Variants in CDH10 observed in about 807,000 individuals in gnomAD.
CDH10 encodes cadherin-10.
Under a neutral mutation model 73.1 loss-of-function variants are expected in CDH10, and 30 were observed. The ratio of observed to expected loss-of-function variants is 0.41; its 90% CI spans 0.31 to 0.56. The LOEUF is 0.56. Ranked by LOEUF, CDH10 falls within the 20% of genes least tolerant of loss-of-function variation. The probability of loss-of-function intolerance (pLI) is 0.27; values close to 1 mark genes in which losing one functional copy is unlikely to be tolerated. For synonymous variants in CDH10, 345 were observed against 348.2 expected, an observed-to-expected ratio of 0.99 and a Z score of 0.10; for missense variants, 815 against 973.7, an observed-to-expected ratio of 0.84 and a Z score of 2.17.
intron 1 of CDH10, among the ~76,000 whole-genome samples, chr5:24,642,936 T>C (rs1265454328): frequency 6.7e-6 from 1 of 149,836 alleles, no homozygotes; most frequent in Non-Finnish European, 1.5e-5. Flanking sequence ...AGTATCTGAT[T>C]TAATGAAAGC....
At chr5:24,555,330 C>T (rs1744726991) in intron 2 of CDH10, among the ~76,000 whole-genome samples, 1 of 152,086 alleles carries the variant, frequency 6.6e-6, no homozygotes. Context: ...TAAATGAACA[C>T]AAAGACTGCA....
chr5:24,617,523 C>T (rs1036820655), intron 1 of CDH10, among the ~76,000 whole-genome samples: 5 of 152,028 alleles, frequency 3.3e-5, no homozygotes, highest in Admixed American at 3.3e-4. Context: ...TCCTCATAGC[C>T]TATGCATGCC....
intron 2 of CDH10, among the ~76,000 whole-genome samples, chr5:24,559,677 G>A (rs552139716): frequency 6.6e-6 from 1 of 152,078 alleles, no homozygotes; most frequent in Admixed American, 6.6e-5. Flanking sequence ...TGAAACAGGT[G>A]ACAACAATAA....
intron 2 of CDH10, among the ~76,000 whole-genome samples, chr5:24,574,394 G>A (rs55786800): frequency 0.47 from 71,164 of 151,598 alleles, 17,693 homozygotes; most frequent in East Asian, 0.69. Context: ...TGATAAACTC[G>A]CATGACATTT....
Position 24,487,552 on chromosome 5 carries a change from A to T in CDH10, c.*111T>A. On this transcript the variant is annotated 3_prime_UTR_variant, in exon 12 of 12. Transcript: ENST00000264463. ...GAACAAATTAAGAAGTAAATGAGAA[A>T]AAAAATTGTGCTGACTGGCAGGAAA... 1 of 1,052,322 alleles carries T rather than the reference A, an allele frequency of 9.5e-7. No individual in the cohort carries two copies. The highest frequency in any genetic ancestry group is 1.4e-6 in the Non-Finnish European group (1 of 715,666). 65.2% of individuals were successfully genotyped at this position (1,052,322 alleles called of 1,614,324 possible).
intron 8 of CDH10, among the ~76,000 whole-genome samples, chr5:24,500,446 G>C (rs1742451917): frequency 6.6e-6 from 1 of 152,208 alleles, no homozygotes; most frequent in Non-Finnish European, 1.5e-5. Context: ...TCAGTCGTCA[G>C]GTTCTAACTT....
At chr5:24,578,077 C>T (rs1371080655) in intron 2 of CDH10, among the ~76,000 whole-genome samples, 1 of 152,150 alleles carries the variant, frequency 6.6e-6, no homozygotes, top group Non-Finnish European at 1.5e-5. Context: ...GGAGAGGACA[C>T]TTTCCATTGT....
At position 24,629,802 on chromosome 5, in the gene CDH10, G is replaced by A. The variant is rs2112192224; in HGVS notation, c.-124+14792C>T. Among the ~76,000 whole-genome samples, 2 of 152,260 alleles carry A rather than the reference G, an allele frequency of 1.3e-5. 1 individual carries two copies. Among genetic ancestry groups the A allele is most frequent in the South Asian group, 4.1e-4 (2 of 4,822 alleles). ...AGATTCCTGAGGCCTCCCCAGCCAT[G>A]CAGAACTATGAGTCAATTAAATCTC... On this transcript the variant is annotated intron_variant, in intron 1 of 11. Transcript: ENST00000264463.
rs566257874 is a variant in CDH10, at chr5:24,543,778, A to C, written c.232-6104T>G. 3.3e-4 allele frequency among the ~76,000 whole-genome samples: 50 copies of C among 152,298 alleles called. 1 individual carries two copies. The South Asian group carries it at 0.01, about 31-fold the overall frequency. On this transcript the variant is annotated intron_variant, in intron 2 of 11. Transcript: ENST00000264463. ...AAAGCATGTCAAAGCCAGCAAACAC[A>C]ATCTGGTCAGAAATAAATAAATAGT...
chr5:24,620,771 G>A (rs1169509791), intron 1 of CDH10, among the ~76,000 whole-genome samples: 4 of 151,650 alleles, frequency 2.6e-5, no homozygotes, highest in Admixed American at 1.3e-4. Context: ...TTTGTTAAGC[G>A]GTGCCCATAC....
chr5:24,570,651 A>AAT (rs34801438), intron 2 of CDH10, among the ~76,000 whole-genome samples: 55,234 of 151,502 alleles, frequency 0.36, 12,303 homozygotes, highest in East Asian at 0.54. Context: ...CTTACTGTAA[A>AAT]ATATATATAT....
chr5:24,586,976 C>G (rs1746037291), intron 2 of CDH10, among the ~76,000 whole-genome samples: 1 of 151,196 alleles, frequency 6.6e-6, no homozygotes, highest in South Asian at 2.1e-4. Context: ...TCCCGAGTAG[C>G]TGGGACTACA....
At chr5:24,500,814 T>G (rs1398818145) in intron 8 of CDH10, among the ~76,000 whole-genome samples, 1 of 152,216 alleles carries the variant, frequency 6.6e-6, no homozygotes, top group African/African-American at 2.4e-5. Context: ...TAAAAACTTA[T>G]GCTTTCTCCA....
In CDH10 at chr5:24,535,260, T is replaced by C. The variant is rs1743910937; in HGVS notation, c.666A>G (p.Leu222=). Residue 222 remains leucine (L), a synonymous_variant, in exon 5 of 12, where the codon TTA becomes TTG. Coordinates refer to ENST00000264463, the MANE Select transcript of CDH10 (RefSeq NM_006727.5). ...CTCTGTTTTCTCTGTTCATGTTCGGTAAAGCAGTCCTGATGATACCTTGAG... is the reference window on the plus strand; with the variant it reads ...CTCTGTTTTCTCTGTTCATGTTCGGCAAAGCAGTCCTGATGATACCTTGAG... The part of the protein sequence containing the change: ...EPETGIIRTA[L]PNMNRENREQ... 1 of 1,612,788 alleles carries C rather than the reference T, an allele frequency of 6.2e-7. No individual in the cohort carries two copies. The highest frequency in any genetic ancestry group is 1.3e-5 in the African/African-American group (1 of 74,914).
intron 1 of CDH10, among the ~76,000 whole-genome samples, chr5:24,603,240 C>A (rs1346751505): frequency 6.6e-6 from 1 of 152,132 alleles, no homozygotes; most frequent in Non-Finnish European, 1.5e-5. Flanking sequence ...TCAATCTGCA[C>A]ATTTTCTCTT....
rs2111895615 is a variant in CDH10 at position 24,537,563 on chromosome 5, T to C, written c.343A>G (p.Arg115Gly). ...DEKTGDIHAT[R>G]RIDREEKAFY... ...GCCTTTTCCTCCCTATCAATTCGCCTTGTGGCATGAATATCACCTGTTTTT... is the reference window on the plus strand; with the variant it reads ...GCCTTTTCCTCCCTATCAATTCGCCCTGTGGCATGAATATCACCTGTTTTT... The change falls in exon 3 of 12, where the codon AGG (arginine) becomes GGG (glycine). Residue 115 changes from arginine (R) to glycine (G), a missense_variant. Around this residue, in one of 3 missense-constraint regions of CDH10, gnomAD observed 516 missense variants for 636.6 expected, o/e 0.81. Coordinates refer to ENST00000264463, the MANE Select transcript of CDH10 (RefSeq NM_006727.5). The C allele has an allele frequency of 6.2e-7, 1 of 1,612,968 alleles. No individual in the cohort carries two copies. The highest frequency in any genetic ancestry group is 1.1e-5 in the South Asian group (1 of 91,056).
At chr5:24,555,993 T>C (rs549292968) in intron 2 of CDH10, among the ~76,000 whole-genome samples, 7 of 152,144 alleles carry the variant, frequency 4.6e-5, no homozygotes, top group Non-Finnish European at 5.9e-5. Flanking sequence ...AGAAACCTTA[T>C]TGGATGTTTT....
chr5:24,534,396 T>A (rs1743863453), intron 5 of CDH10, among the ~76,000 whole-genome samples: 1 of 152,122 alleles, frequency 6.6e-6, no homozygotes, highest in Non-Finnish European at 1.5e-5. Flanking sequence ...CCATTGAGAC[T>A]TGATACCATC....
At chr5:24,491,261 G>A (rs1306725796) in intron 11 of CDH10, among the ~76,000 whole-genome samples, 1 of 152,028 alleles carries the variant, frequency 6.6e-6, no homozygotes, top group East Asian at 1.9e-4. Context: ...TGCATTCATT[G>A]TTCTTGCTTT....
Sources: gnomAD v4.1 joint callset for allele counts (sites outside exome capture counted in the v4.1 genomes callset) on GRCh38, gnomAD v4.1.1 for gene constraint, gnomAD v4.1.1 regional missense constraint, MANE v1.5 for transcripts, NCBI Gene and HGNC (gene_info 2026-07-23, HGNC 2026-07-21) for gene names.